OR51B5: variants seen among roughly 807,000 people sequenced by gnomAD.
OR51B5 encodes the protein olfactory receptor family 51 subfamily B member 5.
For synonymous variants in OR51B5, 186 were observed against 144.8 expected, an observed-to-expected ratio of 1.28 and a Z score of -2.04; for missense variants, 456 against 374.6, an observed-to-expected ratio of 1.22 and a Z score of -1.79.
chr11:5,343,420 G>T lies in OR51B5; in HGVS notation c.105C>A (p.Ser35=), dbSNP rs1848936674. 8 of 1,613,096 alleles carry T rather than the reference G, an allele frequency of 5.0e-6. No individual in the cohort carries two copies. The East Asian group carries it at 1.8e-4, about 36-fold the overall frequency. ...GGAGGGTGCCATTGCCAAAAAGGAT[G>T]GATATATACATGAACAAGAAAAATA... Residue 35 remains serine, a synonymous_variant, in exon 1 of 1, where the codon TCC becomes TCA. Transcript: ENST00000300773.
chr11:5,449,171 C>T (rs1488700756), intron 1 of OR51B5, among the ~76,000 whole-genome samples: 1 of 152,216 alleles, frequency 6.6e-6, no homozygotes, highest in African/African-American at 2.4e-5. Context: ...TAAAAGAGCA[C>T]AGGCTTTATT....
At chr11:5,473,683 C>T (rs1295036958) in intron 1 of OR51B5, among the ~76,000 whole-genome samples, 1 of 152,130 alleles carries the variant, frequency 6.6e-6, no homozygotes, top group Non-Finnish European at 1.5e-5. Flanking sequence ...TAAGCATACA[C>T]ATTTAGAGCA....
intron 1 of OR51B5, among the ~76,000 whole-genome samples, chr11:5,461,818 T>C (rs1294583736): frequency 1.3e-5 from 2 of 151,896 alleles, no homozygotes; most frequent in Non-Finnish European, 2.9e-5. Flanking sequence ...CAGAAAGGAG[T>C]CCTGGTGCTC....
intron 1 of OR51B5, among the ~76,000 whole-genome samples, chr11:5,463,088 T>C (rs1176265155): frequency 6.6e-6 from 1 of 152,232 alleles, no homozygotes; most frequent in Non-Finnish European, 1.5e-5. Context: ...TTCATTCATA[T>C]GTATAAAGGA....
At chr11:5,488,205 A>G (rs1851524511) in intron 1 of OR51B5, among the ~76,000 whole-genome samples, 1 of 152,224 alleles carries the variant, frequency 6.6e-6, no homozygotes. Flanking sequence ...TAGTGGAAGT[A>G]GGAAAAATAC....
At chr11:5,352,236 C>G (rs1349274709) in intron 1 of OR51B5, 6 of 1,614,166 alleles carry the variant, frequency 3.7e-6, no homozygotes, top group Non-Finnish European at 5.1e-6. Flanking sequence ...TCTCTCATAT[C>G]TGCTGCATCC....
chr11:5,352,084 A>G (rs765091635), intron 1 of OR51B5: 133 of 1,613,954 alleles, frequency 8.2e-5, no homozygotes, highest in Non-Finnish European at 1.1e-4. Flanking sequence ...CATCACCTTC[A>G]ACCGTCTCTA....
chr11:5,479,379 A>C (rs1008459711), intron 1 of OR51B5, among the ~76,000 whole-genome samples: 158 of 151,568 alleles, frequency 1.0e-3, no homozygotes, highest in African/African-American at 3.7e-3. Context: ...CATGGAAAGG[A>C]ACAACCGGTA....
intron 1 of OR51B5, among the ~76,000 whole-genome samples, chr11:5,477,548 C>G (rs1401780135): frequency 6.6e-6 from 1 of 152,174 alleles, no homozygotes; most frequent in African/African-American, 2.4e-5. Flanking sequence ...TCTACAGCTC[C>G]CAGCATGAGC....
chr11:5,394,144 T>C (rs1849835585), intron 1 of OR51B5, among the ~76,000 whole-genome samples: 1 of 152,132 alleles, frequency 6.6e-6, no homozygotes, highest in Non-Finnish European at 1.5e-5. Flanking sequence ...GTACCTTCTA[T>C]TTTGCATATC....
At chr11:5,362,776 T>A in intron 1 of OR51B5, 1 of 224,716 alleles carries the variant, frequency 4.5e-6, no homozygotes, top group South Asian at 9.9e-5. Flanking sequence ...ATAAAGAGTA[T>A]CTCCTTGGTG....
intron 1 of OR51B5, among the ~76,000 whole-genome samples, chr11:5,450,262 G>A (rs1489056104): frequency 4.6e-5 from 7 of 151,996 alleles, no homozygotes; most frequent in African/African-American, 9.7e-5. Flanking sequence ...GGTGGCAGGC[G>A]CCTGTAATTC....
At chr11:5,475,478 A>G (rs1851289081) in intron 1 of OR51B5, among the ~76,000 whole-genome samples, 1 of 152,062 alleles carries the variant, frequency 6.6e-6, no homozygotes, top group South Asian at 2.1e-4. Context: ...TGGGCTAGTT[A>G]TTTATCCACC....
At chr11:5,461,251 C>T (rs1382153056) in intron 1 of OR51B5, among the ~76,000 whole-genome samples, 1 of 152,128 alleles carries the variant, frequency 6.6e-6, no homozygotes, top group African/African-American at 2.4e-5. Flanking sequence ...TGAGAGGCTG[C>T]AGGCCAGGGG....
chr11:5,457,749 T>C (rs548944812), intron 1 of OR51B5, among the ~76,000 whole-genome samples: 46 of 152,376 alleles, frequency 3.0e-4, no homozygotes, highest in African/African-American at 1.0e-3. Flanking sequence ...TATATGCTTG[T>C]TGGCCACGTA....
intron 1 of OR51B5, among the ~76,000 whole-genome samples, chr11:5,414,788 A>G (rs940195717): frequency 4.6e-5 from 7 of 152,206 alleles, no homozygotes; most frequent in Non-Finnish European, 8.8e-5. Context: ...GTCCTTAGTG[A>G]CCTACAAAGA....
chr11:5,385,590 A>G (rs941885105), intron 1 of OR51B5: 11 of 152,128 alleles, frequency 7.2e-5, no homozygotes, highest in African/African-American at 2.7e-4. Context: ...AACTTAAAAA[A>G]TGAATTATTA....
chr11:5,386,933 T>C, intron 1 of OR51B5, among the ~76,000 whole-genome samples: 1 of 152,084 alleles, frequency 6.6e-6, no homozygotes. Flanking sequence ...AAAAGATGGA[T>C]GCTGGGCTCA....
At chr11:5,428,283 G>C (rs1379437443) in intron 1 of OR51B5, among the ~76,000 whole-genome samples, 1 of 152,044 alleles carries the variant, frequency 6.6e-6, no homozygotes, top group Non-Finnish European at 1.5e-5. Flanking sequence ...AAAAAAAAGA[G>C]TCATACTTAA....
Sources: gnomAD v4.1 joint callset for allele counts (sites outside exome capture counted in the v4.1 genomes callset) on GRCh38, gnomAD v4.1.1 for gene constraint, MANE v1.5 for transcripts, NCBI Gene and HGNC (gene_info 2026-07-23, HGNC 2026-07-21) for gene names.